PPP1R1B: variants seen among roughly 807,000 people sequenced by gnomAD.
PPP1R1B encodes the protein protein phosphatase 1 regulatory subunit 1B.
Under a neutral mutation model 28.2 loss-of-function variants are expected in PPP1R1B, and 13 were observed. That is an observed-to-expected ratio of 0.46 (90% CI 0.30 to 0.73). The LOEUF (loss-of-function observed/expected upper bound fraction) is 0.73. Ranked by LOEUF, PPP1R1B falls within the 30% of genes least tolerant of loss-of-function variation. The pLI is 0.07. For synonymous variants in PPP1R1B, 102 were observed against 97.5 expected (o/e 1.05, Z -0.27); for missense variants, 236 against 256.7 (o/e 0.92, Z 0.55).
intron 1 of PPP1R1B, chr17:39,628,559 G>A (rs144626342): frequency 1.0e-6 from 1 of 985,786 alleles, no homozygotes; most frequent in Non-Finnish European, 1.2e-6. Context: ...TGGAAAAGAA[G>A]CCCAAACCAA....
At chr17:39,633,433 G>T in intron 4 of PPP1R1B, 1 of 192,658 alleles carries the variant, frequency 5.2e-6, no homozygotes. Context: ...CAGCAGGCTG[G>T]GCACCCCCAA....
chr17:39,628,625 G>T (rs918672102), intron 1 of PPP1R1B: 1 of 986,030 alleles, frequency 1.0e-6, no homozygotes, highest in Non-Finnish European at 1.2e-6. Flanking sequence ...AGCTGGAGGT[G>T]GGGGGTGCCT....
At chr17:39,630,134 G>A (rs1317240245) in intron 4 of PPP1R1B, 87 bp downstream of exon 4, 1 of 1,284,778 alleles carries the variant, frequency 7.8e-7, no homozygotes, top group African/African-American at 1.5e-5. Flanking sequence ...AGTGGGGAGG[G>A]ATTGTTTCGC....
chr17:39,629,256 C>G, intron 2 of PPP1R1B, 26 bp downstream of exon 2: 1 of 1,608,196 alleles, frequency 6.2e-7, no homozygotes, highest in Admixed American at 1.7e-5. Flanking sequence ...CCCACTTAGC[C>G]CTGGCCCCAC....
chr17:39,636,152 C>T lies in PPP1R1B; in HGVS notation c.*287C>T, dbSNP rs112668475. The T allele has an allele frequency of 2.5e-4, 120 of 474,136 alleles. No homozygotes were observed. The highest frequency in any genetic ancestry group is 2.3e-3 in the Middle Eastern group (4 of 1,714). The allele number at this position is 474,136 out of a possible 1,614,324, so 29.4% of individuals were successfully genotyped here. A position where few individuals can be genotyped will look rare whatever the true frequency, so the allele number is the denominator to read the frequency against. On this transcript the variant is annotated 3_prime_UTR_variant, in exon 7 of 7. Coordinates refer to ENST00000254079, the MANE Select transcript of PPP1R1B (RefSeq NM_032192.4). ...GCCCACATTGGAAAATCCAGAAAAC[C>T]GGGAACAGGGATTTGCCCTTCACAA...
intron 4 of PPP1R1B, 132 bp from the exon 5 acceptor site, chr17:39,633,751 C>T (rs1050331862): frequency 1.7e-5 from 26 of 1,509,340 alleles, no homozygotes; most frequent in Non-Finnish European, 2.3e-5. Flanking sequence ...GGCCTTTGAA[C>T]TTGGGCCCCT....
rs2056924854 is a variant in PPP1R1B at position 39,636,455 on chromosome 17, T to C, written c.*590T>C. 1 of 153,046 alleles carries C rather than the reference T, an allele frequency of 6.5e-6. No individual in the cohort carries two copies. Among genetic ancestry groups the C allele is most frequent in the Non-Finnish European group, 1.5e-5 (1 of 68,260 alleles). The allele number at this position is 153,046 out of a possible 1,614,324, so 9.5% of individuals were successfully genotyped here. On this transcript the variant is annotated 3_prime_UTR_variant, in exon 7 of 7. Transcript: ENST00000254079. ...AGATGGACTGGCAGAGACCTCTTTGTTGCGTTTTGTGCTTTGATGCCAGGA... is the reference window on the plus strand; with the variant it reads ...AGATGGACTGGCAGAGACCTCTTTGCTGCGTTTTGTGCTTTGATGCCAGGA...
chr17:39,629,583 G>A, intron 3 of PPP1R1B, 21 bp downstream of exon 3: 1 of 1,613,322 alleles, frequency 6.2e-7, no homozygotes, highest in Non-Finnish European at 8.5e-7. Flanking sequence ...TGGGGCAGCT[G>A]GAAGGAGGGA....
intron 4 of PPP1R1B, among the ~76,000 whole-genome samples, chr17:39,631,023 C>T (rs535818394): frequency 3.3e-5 from 5 of 151,812 alleles, no homozygotes; most frequent in East Asian, 3.9e-4. Context: ...GAGCTGAGAT[C>T]GCACCATTGC....
rs200075006 is a variant in PPP1R1B at position 39,633,865 on chromosome 17, C to G, written c.242-18C>G. On this transcript the variant is annotated intron_variant, in intron 4 of 6. Coordinates refer to ENST00000254079, the MANE Select transcript of PPP1R1B (RefSeq NM_032192.4). Reference sequence around the variant, plus strand: ...GTGTCTAGCTGACCCTTGCTTTCCTCGGTCTCCTCTGTGCCAGCTGTGCAG... The same window carrying G: ...GTGTCTAGCTGACCCTTGCTTTCCTGGGTCTCCTCTGTGCCAGCTGTGCAG... 6.0e-5 allele frequency: 97 copies of G among 1,612,588 alleles called. No homozygotes were observed. Among genetic ancestry groups the G allele is most frequent in the Non-Finnish European group, 7.8e-5 (92 of 1,179,560 alleles).
rs59894839 is a variant in PPP1R1B, at chr17:39,628,913, C to A, written c.82-257C>A. ...AGTGGGACAGGCATGGGCTGGGAGT[C>A]AGTGACTGGGGTTTTTCTCGTCCTT... On this transcript the variant is annotated intron_variant, in intron 1 of 6. Coordinates refer to ENST00000254079, the MANE Select transcript of PPP1R1B (RefSeq NM_032192.4). Among the ~76,000 whole-genome samples, 119 of 152,338 alleles carry A rather than the reference C, an allele frequency of 7.8e-4. 3 individuals carry two copies. The East Asian group carries it at 0.022, about 29-fold the overall frequency.
Position 39,635,846 on chromosome 17 carries a change from C to A in PPP1R1B, c.596C>A (p.Pro199His), listed in dbSNP as rs757180713. Residue 199 changes from proline to histidine, a missense_variant, in exon 7 of 7, where the codon CCC becomes CAC. By Grantham distance (77) the Pro-to-His change is moderately conservative. Coordinates refer to ENST00000254079, the MANE Select transcript of PPP1R1B (RefSeq NM_032192.4). ...EPGEEPQRPS[P>H]SEPGT is the part of the protein sequence containing the mutation. ...GGGGAGGAACCTCAGCGCCCTTCCC[C>A]CTCTGAGCCTGGCACATAGGCACCC... is the stretch of plus-strand genomic sequence containing the variant. 8 of 1,613,366 alleles carry A rather than the reference C, an allele frequency of 5.0e-6. No homozygotes were observed. The highest frequency in any genetic ancestry group is 2.2e-5 in the East Asian group (1 of 44,874).
chr17:39,635,501 G>A (rs2056912772), intron 5 of PPP1R1B, 106 bp from the exon 6 acceptor site: 3 of 1,433,620 alleles, frequency 2.1e-6, no homozygotes, highest in Middle Eastern at 1.8e-4. Context: ...CTTCCATGAT[G>A]CCCCTGGAAA....
Position 39,633,869 on chromosome 17 carries a change from C to G in PPP1R1B, c.242-14C>G. The G allele has an allele frequency of 6.2e-7, 1 of 1,612,954 alleles. No homozygotes were observed. Among genetic ancestry groups the G allele is most frequent in the East Asian group, 2.2e-5 (1 of 44,884 alleles). On this transcript the variant is annotated splice_polypyrimidine_tract_variant and intron_variant, in intron 4 of 6. Coordinates refer to ENST00000254079, the MANE Select transcript of PPP1R1B (RefSeq NM_032192.4). Reference sequence around the variant, plus strand: ...CTAGCTGACCCTTGCTTTCCTCGGTCTCCTCTGTGCCAGCTGTGCAGCGCA... The same window carrying G: ...CTAGCTGACCCTTGCTTTCCTCGGTGTCCTCTGTGCCAGCTGTGCAGCGCA...
In PPP1R1B at chr17:39,633,868, T is replaced by C; in HGVS notation, c.242-15T>C. On this transcript the variant is annotated splice_polypyrimidine_tract_variant and intron_variant, in intron 4 of 6. Transcript: ENST00000254079. Reference sequence around the variant, plus strand: ...TCTAGCTGACCCTTGCTTTCCTCGGTCTCCTCTGTGCCAGCTGTGCAGCGC... The same window carrying C: ...TCTAGCTGACCCTTGCTTTCCTCGGCCTCCTCTGTGCCAGCTGTGCAGCGC... 1 of 1,612,978 alleles carries C rather than the reference T, an allele frequency of 6.2e-7. No homozygotes were observed. The highest frequency in any genetic ancestry group is 8.5e-7 in the Non-Finnish European group (1 of 1,179,588).
At chr17:39,632,671 ATTTATTGTGCT>A (rs1243963857) in intron 4 of PPP1R1B, 1 of 152,062 alleles carries the variant, frequency 6.6e-6, no homozygotes, top group East Asian at 1.9e-4. Context: ...GGGTAGGGTG[ATTTATTGTGCT>A]TTTATTGCCT....
chr17:39,629,331 C>G, intron 2 of PPP1R1B, 101 bp downstream of exon 2: 1 of 1,363,290 alleles, frequency 7.3e-7, no homozygotes, highest in Non-Finnish European at 1.0e-6. Flanking sequence ...AAGCTGGAGA[C>G]TGGGGAGTGG....
chr17:39,629,617 T>A (rs2144837004), intron 3 of PPP1R1B, 55 bp downstream of exon 3: 1 of 1,598,968 alleles, frequency 6.3e-7, no homozygotes, highest in African/African-American at 1.3e-5. Flanking sequence ...TGGGGTGGGG[T>A]GGACGGGTGC....
chr17:39,629,499 C>A, intron 2 of PPP1R1B, 41 bp from the exon 3 acceptor site: 1 of 1,612,866 alleles, frequency 6.2e-7, no homozygotes, highest in Non-Finnish European at 8.5e-7. Context: ...TTTTCCTCCT[C>A]GCTTGGTTCT....
Sources: gnomAD v4.1 joint callset for allele counts (sites outside exome capture counted in the v4.1 genomes callset) on GRCh38, gnomAD v4.1.1 for gene constraint, MANE v1.5 for transcripts, NCBI Gene and HGNC (gene_info 2026-07-23, HGNC 2026-07-21) for gene names.